The following DENND5B variants were observed in gnomAD, a reference collection of about 807,000 sequenced individuals.
The protein encoded by DENND5B is DENN domain-containing protein 5B.
Under a neutral mutation model 140.6 loss-of-function variants are expected in DENND5B, and 34 were observed. That is an observed-to-expected ratio of 0.24 (90% confidence interval 0.18 to 0.32). DENND5B has a LOEUF of 0.32. Ranked by LOEUF, DENND5B falls within the 10% of genes least tolerant of loss-of-function variation. The pLI is 1.00. For synonymous variants in DENND5B, 551 were observed against 562.1 expected, an observed-to-expected ratio of 0.98 and a Z score of 0.28; for missense variants, 1,142 against 1,560.2, an observed-to-expected ratio of 0.73 and a Z score of 4.52.
intron 11 of DENND5B, among the ~76,000 whole-genome samples, chr12:31,420,633 G>A (rs551295166): frequency 2.0e-5 from 3 of 152,018 alleles, no homozygotes; most frequent in Admixed American, 6.6e-5. Flanking sequence ...TAGTAGAGAC[G>A]GGGTTTCACC....
Position 31,452,235 on chromosome 12 carries a change from T to C in DENND5B, c.1334A>G (p.Tyr445Cys), listed in dbSNP as rs775662347. Residue 445 changes from tyrosine (Y) to cysteine (C), a missense_variant, in exon 5 of 21, where the codon TAT becomes TGT. Physicochemically the swap from Tyr to Cys is radical, Grantham distance 194. Around this residue, in one of 5 missense-constraint regions of DENND5B, gnomAD observed 708 missense variants for 905.5 expected, o/e 0.78. Coordinates refer to ENST00000389082, the MANE Select transcript of DENND5B (RefSeq NM_144973.4). ...GGTTTCATTGCCCTTCAGTAACTCATACATGCTGATGTTATTAGTACAGAC... is the reference window on the plus strand; with the variant it reads ...GGTTTCATTGCCCTTCAGTAACTCACACATGCTGATGTTATTAGTACAGAC... ...GNVCTNNISM[Y>C]ELLKGNETIA... 18 of 1,613,894 alleles carry C rather than the reference T, an allele frequency of 1.1e-5. No individual in the cohort carries two copies. The South Asian group carries it at 1.5e-4, about 14-fold the overall frequency.
chr12:31,459,060 A>C (rs1944901778), intron 4 of DENND5B, among the ~76,000 whole-genome samples: 1 of 152,094 alleles, frequency 6.6e-6, no homozygotes, highest in Non-Finnish European at 1.5e-5. Context: ...TAAAAATACA[A>C]AATTAGCTGG....
In DENND5B at chr12:31,426,367, C is replaced by T; in HGVS notation, c.2164G>A (p.Asp722Asn). 6.2e-7 allele frequency: 1 copy of T among 1,612,346 alleles called. No homozygotes were observed. The highest frequency in any genetic ancestry group is 8.5e-7 in the Non-Finnish European group (1 of 1,179,112). Residue 722 changes from aspartate to asparagine, a missense_variant, in exon 9 of 21, where the codon GAC becomes AAC. Transcript: ENST00000389082. ...GKNLRQPKLSDLSPAVIAQTN... is the reference protein window; with the variant it reads ...GKNLRQPKLSNLSPAVIAQTN... ...TGTGCAATAACTGCAGGAGAGAGGT[C>T]TGACAGTTTGGGTTGCCTCAGGTTT...
chr12:31,503,470 G>A (rs953667167), intron 1 of DENND5B, among the ~76,000 whole-genome samples: 2 of 152,168 alleles, frequency 1.3e-5, no homozygotes, highest in Admixed American at 6.5e-5. Flanking sequence ...TGAGGTGGGA[G>A]GATGGCTTGA....
chr12:31,470,273 C>T (rs1365244932), intron 3 of DENND5B, among the ~76,000 whole-genome samples: 3 of 151,998 alleles, frequency 2.0e-5, no homozygotes, highest in Non-Finnish European at 2.9e-5. Context: ...CACCACCACG[C>T]CTGGGTAACT....
chr12:31,441,050 A>T (rs1214017776), intron 7 of DENND5B, among the ~76,000 whole-genome samples: 1 of 151,344 alleles, frequency 6.6e-6, no homozygotes, highest in African/African-American at 2.4e-5. Flanking sequence ...TTAAAAAAAA[A>T]TTTTTGTAGG....
At chr12:31,527,239 C>G (rs527979272) in intron 1 of DENND5B, among the ~76,000 whole-genome samples, 2 of 152,074 alleles carry the variant, frequency 1.3e-5, no homozygotes, top group Admixed American at 1.3e-4. Context: ...GGAGGTGAGA[C>G]AGTGAGCCAA....
chr12:31,512,441 A>G (rs1328870180), intron 1 of DENND5B, among the ~76,000 whole-genome samples: 5 of 150,092 alleles, frequency 3.3e-5, no homozygotes, highest in Non-Finnish European at 3.0e-5. Context: ...TATGTTGCTC[A>G]GGCTGGTCTC....
chr12:31,587,526 C>CTT (rs71460995), intron 1 of DENND5B, among the ~76,000 whole-genome samples: 9 of 75,032 alleles, frequency 1.2e-4, no homozygotes, highest in East Asian at 8.5e-4. Flanking sequence ...CCACAAATAC[C>CTT]TTTTTTTTTT....
chr12:31,582,182 T>A (rs1950229766), intron 1 of DENND5B, among the ~76,000 whole-genome samples: 2 of 152,204 alleles, frequency 1.3e-5, no homozygotes, highest in Non-Finnish European at 2.9e-5. Context: ...ACATTTAGGA[T>A]TAATTTTTTT....
rs187847171 is a variant in DENND5B at position 31,441,357 on chromosome 12, T to C, written c.2012+1418A>G. 3.6e-3 allele frequency among the ~76,000 whole-genome samples: 552 copies of C among 152,098 alleles called. 1 individual carries two copies. Among genetic ancestry groups the C allele is most frequent in the Non-Finnish European group, 6.0e-3 (410 of 67,966 alleles). ...AAGACCTTGTCTCAAAAAAAATGTA[T>C]GTATTTTTTTGTAGAGACAGGGCCT... On this transcript the variant is annotated intron_variant, in intron 7 of 20. Transcript: ENST00000389082.
In DENND5B at chr12:31,383,500, T is replaced by C. The variant is rs1336035471; in HGVS notation, c.*4103A>G. Reference sequence around the variant, plus strand: ...ATTAAAATAATTTTTTAAAAAGCCATGTGAAAGTAAATACCACAAGGTTAC... The same window carrying C: ...ATTAAAATAATTTTTTAAAAAGCCACGTGAAAGTAAATACCACAAGGTTAC... On this transcript the variant is annotated 3_prime_UTR_variant, in exon 21 of 21. Transcript: ENST00000389082. The C allele has an allele frequency of 6.6e-6, 1 of 152,216 alleles. No homozygotes were observed. The highest frequency in any genetic ancestry group is 1.5e-5 in the Non-Finnish European group (1 of 68,038). 9.4% of individuals were successfully genotyped at this position (152,216 alleles called of 1,614,324 possible).
chr12:31,519,854 T>C (rs1947809554), intron 1 of DENND5B, among the ~76,000 whole-genome samples: 1 of 152,226 alleles, frequency 6.6e-6, no homozygotes, highest in South Asian at 2.1e-4. Flanking sequence ...GTGATTTTAG[T>C]ATATTTATAG....
At chr12:31,508,822 A>G (rs548701743) in intron 1 of DENND5B, among the ~76,000 whole-genome samples, 1 of 152,324 alleles carries the variant, frequency 6.6e-6, no homozygotes, top group East Asian at 1.9e-4. Context: ...CACATCACAT[A>G]TATCAGGAGG....
chr12:31,443,758 A>T (rs1274128837), intron 6 of DENND5B: 1 of 152,188 alleles, frequency 6.6e-6, no homozygotes, highest in Non-Finnish European at 1.5e-5. Context: ...GAAGTTTATT[A>T]CCTCACTTTT....
intron 11 of DENND5B, among the ~76,000 whole-genome samples, chr12:31,419,447 CAA>C (rs71444401): frequency 6.8e-5 from 9 of 131,528 alleles, no homozygotes; most frequent in Admixed American, 1.5e-4. Flanking sequence ...ACTCCATCTC[CAA>C]AAAAAAAAAA....
intron 7 of DENND5B, among the ~76,000 whole-genome samples, 200 bp downstream of exon 7, chr12:31,442,575 T>C (rs937800280): frequency 1.3e-5 from 2 of 152,158 alleles, no homozygotes; most frequent in East Asian, 1.9e-4. Context: ...CCTTTGTTTT[T>C]TTCTTTTTTT....
intron 1 of DENND5B, among the ~76,000 whole-genome samples, chr12:31,544,352 G>A (rs770660557): frequency 1.3e-5 from 2 of 152,156 alleles, no homozygotes; most frequent in Non-Finnish European, 2.9e-5. Context: ...CACAAGCACA[G>A]CTCACTGTAG....
At chr12:31,458,847 A>G (rs1944892600) in intron 4 of DENND5B, among the ~76,000 whole-genome samples, 1 of 152,224 alleles carries the variant, frequency 6.6e-6, no homozygotes. Context: ...GTTTTGTAAA[A>G]GGCTGTGGCA....
Sources: gnomAD v4.1 joint callset for allele counts (sites outside exome capture counted in the v4.1 genomes callset) on GRCh38, gnomAD v4.1.1 for gene constraint, gnomAD v4.1.1 regional missense constraint, MANE v1.5 for transcripts, NCBI Gene and HGNC (gene_info 2026-07-23, HGNC 2026-07-21) for gene names.